TENM3: variants seen among roughly 807,000 people sequenced by gnomAD.
TENM3 encodes the protein teneurin-3.
In TENM3, 63 loss-of-function variants were observed where a neutral mutation model predicts 255.1. The ratio of observed to expected loss-of-function variants is 0.25; its 90% confidence interval spans 0.20 to 0.30. The LOEUF is 0.30. TENM3 is among the 10% of genes least tolerant of loss of function. The pLI, the probability that TENM3 is intolerant of heterozygous loss-of-function variation, is 1.00. For synonymous variants in TENM3, 1,306 were observed against 1,322.3 expected (o/e 0.99, Z 0.27); for missense variants, 2,929 against 3,461.1 (o/e 0.85, Z 3.86).
intron 3 of TENM3, among the ~76,000 whole-genome samples, chr4:182,466,792 A>G (rs1301145704): frequency 6.6e-6 from 1 of 151,172 alleles, no homozygotes; most frequent in Non-Finnish European, 1.5e-5. Flanking sequence ...CACGCTTTCC[A>G]ACTTACTACA....
At chr4:181,450,037 A>C in the TENM3 span, among the ~76,000 whole-genome samples, 1 of 152,182 alleles carries the variant, frequency 6.6e-6, no homozygotes, top group Non-Finnish European at 1.5e-5. Context: ...ACTATTTAAT[A>C]TGTAGGAGAA....
the TENM3 span, among the ~76,000 whole-genome samples, chr4:181,463,275 G>A: frequency 9.9e-5 from 15 of 152,248 alleles, no homozygotes; most frequent in South Asian, 2.1e-4. Context: ...TGATGCTTAT[G>A]CTGGTTGACC....
the TENM3 span, among the ~76,000 whole-genome samples, chr4:181,503,752 T>C: frequency 6.6e-6 from 1 of 152,130 alleles, no homozygotes; most frequent in African/African-American, 2.4e-5. Context: ...TCTATATGAG[T>C]GGGGACAGAA....
chr4:181,683,678 G>T, the TENM3 span, among the ~76,000 whole-genome samples: 1 of 152,270 alleles, frequency 6.6e-6, no homozygotes, highest in East Asian at 1.9e-4. Flanking sequence ...CGTGCAAGGC[G>T]ATGGTCTAGG....
At chr4:182,501,142 T>C (rs906180673) in intron 3 of TENM3, among the ~76,000 whole-genome samples, 4 of 152,164 alleles carry the variant, frequency 2.6e-5, no homozygotes, top group South Asian at 2.1e-4. Flanking sequence ...GAAAAAGTTA[T>C]ATCAAACAAA....
At chr4:182,029,236 G>T in the TENM3 span, among the ~76,000 whole-genome samples, 1 of 151,946 alleles carries the variant, frequency 6.6e-6, no homozygotes, top group Admixed American at 6.6e-5. Context: ...AGATCAGGGG[G>T]TTCTCATGAA....
intron 7 of TENM3, among the ~76,000 whole-genome samples, chr4:182,677,512 C>T (rs368737660): frequency 2.6e-5 from 4 of 151,998 alleles, no homozygotes; most frequent in South Asian, 2.1e-4. Flanking sequence ...ATATTTAAAC[C>T]TGATGAGGAA....
At position 182,184,107 on chromosome 4, in the gene TENM3, A is replaced by T. The variant is rs899000159; in HGVS notation, c.-76+39353A>T. Among the ~76,000 whole-genome samples, 4 of 152,318 alleles carry T rather than the reference A, an allele frequency of 2.6e-5. No individual in the cohort carries two copies. The East Asian group carries it at 7.7e-4, about 29-fold the overall frequency. ...TCAAAAAGTTTAATAATATTATAGCAGCTGGTTAGAAATTACAGCAAGAGT... is the reference window on the plus strand; with the variant it reads ...TCAAAAAGTTTAATAATATTATAGCTGCTGGTTAGAAATTACAGCAAGAGT... On this transcript the variant is annotated intron_variant, in intron 1 of 2. Transcript: ENST00000512480.
chr4:182,523,392 T>A (rs1208467558), intron 3 of TENM3, among the ~76,000 whole-genome samples: 1 of 152,182 alleles, frequency 6.6e-6, no homozygotes, highest in Non-Finnish European at 1.5e-5. Flanking sequence ...GTCTGCTTTG[T>A]CCTCGGTTAT....
intron 3 of TENM3, among the ~76,000 whole-genome samples, chr4:182,580,023 T>G (rs1331139042): frequency 6.6e-6 from 1 of 152,192 alleles, no homozygotes; most frequent in African/African-American, 2.4e-5. Context: ...CTGCTGCTGC[T>G]GTTTCTGTTG....
chr4:181,941,848 T>C, the TENM3 span, among the ~76,000 whole-genome samples: 1 of 152,326 alleles, frequency 6.6e-6, no homozygotes, highest in African/African-American at 2.4e-5. Context: ...CATGAGTGTC[T>C]CATGAATTGG....
chr4:182,171,916 A>ATT (rs35065408), intron 1 of TENM3, among the ~76,000 whole-genome samples: 6 of 149,924 alleles, frequency 4.0e-5, no homozygotes, highest in Admixed American at 1.3e-4. Flanking sequence ...TGTATCTTTG[A>ATT]TTTTTTTTTT....
the TENM3 span, among the ~76,000 whole-genome samples, chr4:181,767,032 C>G: frequency 6.8e-6 from 1 of 146,472 alleles, no homozygotes; most frequent in Non-Finnish European, 1.5e-5. Flanking sequence ...GCGGGCGGAT[C>G]ACGAGGTCAG....
the TENM3 span, among the ~76,000 whole-genome samples, chr4:181,526,987 T>A: frequency 6.6e-6 from 1 of 152,162 alleles, no homozygotes; most frequent in Non-Finnish European, 1.5e-5. Flanking sequence ...CCTACGGCCC[T>A]TCCCAACTTG....
the TENM3 span, among the ~76,000 whole-genome samples, chr4:181,829,320 T>C: frequency 6.6e-6 from 1 of 152,200 alleles, no homozygotes; most frequent in Non-Finnish European, 1.5e-5. Context: ...ACTATAATGA[T>C]GTTTCTGTCT....
intron 1 of TENM3, among the ~76,000 whole-genome samples, chr4:182,310,902 G>A (rs908864186): frequency 6.6e-6 from 1 of 152,084 alleles, no homozygotes; most frequent in Non-Finnish European, 1.5e-5. Flanking sequence ...TAGAGATGGG[G>A]TTTCACCATG....
chr4:182,714,278 G>A, intron 13 of TENM3, 45 bp downstream of exon 13: 2 of 1,181,370 alleles, frequency 1.7e-6, no homozygotes, highest in East Asian at 3.9e-5. Context: ...CAGAGCACAG[G>A]TTCGTAAGTG....
At chr4:181,502,952 G>T in the TENM3 span, among the ~76,000 whole-genome samples, 1 of 152,134 alleles carries the variant, frequency 6.6e-6, no homozygotes, top group East Asian at 1.9e-4. Context: ...CATCCCACTG[G>T]GTTATCAGAC....
the TENM3 span, among the ~76,000 whole-genome samples, chr4:181,841,752 C>A: frequency 6.6e-6 from 1 of 152,098 alleles, no homozygotes; most frequent in African/African-American, 2.4e-5. Flanking sequence ...TGGCATAAGG[C>A]TGATTTGGGG....
Sources: gnomAD v4.1 joint callset for allele counts (sites outside exome capture counted in the v4.1 genomes callset) on GRCh38, gnomAD v4.1.1 for gene constraint, MANE v1.5 for transcripts, NCBI Gene and HGNC (gene_info 2026-07-23, HGNC 2026-07-21) for gene names.